Variants in INTS7 observed in about 807,000 individuals in gnomAD.
INTS7 encodes the protein integrator complex subunit 7.
In INTS7, 46 loss-of-function variants were observed where a neutral mutation model predicts 109.2. That is an observed-to-expected ratio of 0.42 (90% CI 0.33 to 0.54). The LOEUF (loss-of-function observed/expected upper bound fraction) is 0.54, where lower values mean the gene tolerates loss of function less well. Among genes scored for constraint, INTS7 ranks in the 20% least tolerant of loss-of-function variants. The probability of loss-of-function intolerance (pLI) is 0.07; values close to 1 mark genes in which losing one functional copy is unlikely to be tolerated. For missense variants in INTS7, 929 were observed against 1,132.4 expected (o/e 0.82, Z 2.58); for synonymous variants, 412 against 402.9 (o/e 1.02, Z -0.27).
chr1:211,969,717 G>A (rs12749452), intron 13 of INTS7, among the ~76,000 whole-genome samples: 10,264 of 138,844 alleles, frequency 0.074, 453 homozygotes, highest in Admixed American at 0.15. Flanking sequence ...CACCATGCCT[G>A]GCTAATTTTT....
intron 16 of INTS7, among the ~76,000 whole-genome samples, chr1:211,953,804 T>G (rs1428321343): frequency 6.6e-6 from 1 of 151,840 alleles, no homozygotes; most frequent in Non-Finnish European, 1.5e-5. Context: ...CTATCGTTGT[T>G]GGACATTTGG....
chr1:212,003,175 A>C (rs1665753141), intron 7 of INTS7, among the ~76,000 whole-genome samples: 1 of 152,148 alleles, frequency 6.6e-6, no homozygotes, highest in African/African-American at 2.4e-5. Context: ...AATTTCCCAG[A>C]ATTGCTGAAA....
At chr1:212,006,511 T>A (rs571255101) in intron 7 of INTS7, 128 bp downstream of exon 7, 3 of 395,100 alleles carry the variant, frequency 7.6e-6, no homozygotes, top group Non-Finnish European at 1.3e-5. Context: ...ACATCAACAA[T>A]GCTTTTAGAA....
chr1:211,949,013 CTTAA>C (rs746363852), intron 17 of INTS7, among the ~76,000 whole-genome samples: 108 of 152,242 alleles, frequency 7.1e-4, no homozygotes, highest in Middle Eastern at 3.2e-3. Flanking sequence ...ACAATGCTCT[CTTAA>C]TTGTCAATCC....
chr1:212,004,452 A>G (rs1210299705), intron 7 of INTS7, among the ~76,000 whole-genome samples: 1 of 152,240 alleles, frequency 6.6e-6, no homozygotes, highest in Admixed American at 6.5e-5. Context: ...TCATGTCAAC[A>G]TATGTAAAAG....
rs770928866 is a variant in INTS7, at chr1:212,006,674, T to C, written c.844A>G (p.Lys282Glu). The C allele has an allele frequency of 2.5e-5, 39 of 1,587,726 alleles. No individual in the cohort carries two copies. Among genetic ancestry groups the C allele is most frequent in the East Asian group, 2.0e-4 (9 of 44,522 alleles). The change falls in exon 7 of 20, where the codon AAA becomes GAA. Residue 282 changes from lysine to glutamate, a missense_variant. By Grantham distance (56) the Lys-to-Glu change is moderately conservative (BLOSUM62 1). Around this residue, in one of 2 missense-constraint regions of INTS7, gnomAD observed 787 missense variants for 901.1 expected, o/e 0.87. Transcript: ENST00000366994. The stretch of plus-strand genomic sequence containing the variant: ...TCCCTACTCCAAGTATGTGGTGTTT[T>C]ATTAGCAAGTAATTTCAGATCTTGA... Reference protein sequence around the residue: ...AIQDLKLLANKTPHTWSRENI... With the variant: ...AIQDLKLLANETPHTWSRENI...
chr1:211,982,349 A>G (rs1306737267), intron 9 of INTS7, among the ~76,000 whole-genome samples: 1 of 152,146 alleles, frequency 6.6e-6, no homozygotes, highest in Non-Finnish European at 1.5e-5. Flanking sequence ...GTATAAGTGA[A>G]CATACCACCT....
chr1:211,946,695 C>A lies in INTS7; in HGVS notation c.2327G>T (p.Cys776Phe). ...YTPVSYMHTACLCNAIIALLK... is the reference protein window; with the variant it reads ...YTPVSYMHTAFLCNAIIALLK... The stretch of plus-strand genomic sequence containing the variant: ...CAAAGCAATGATGGCATTGCAGAGG[C>A]ATGCTGTGTGCTGGGGGAAAAAAGA... The change falls in exon 18 of 20, where the codon TGC becomes TTC. Residue 776 changes from cysteine to phenylalanine, a missense_variant. This residue lies in a region of INTS7 where 787 missense variants were observed against 901.1 expected (regional missense o/e 0.87). Transcript: ENST00000366994. This position sits in a 1 kb window ranked among gnomAD's most constrained non-coding sequence, Gnocchi z 4.3. 1.2e-6 allele frequency: 2 copies of A among 1,610,458 alleles called. 1 individual carries two copies. The highest frequency in any genetic ancestry group is 1.7e-6 in the Non-Finnish European group (2 of 1,177,498).
chr1:211,993,615 G>A (rs1033135227), intron 7 of INTS7, among the ~76,000 whole-genome samples: 3 of 150,948 alleles, frequency 2.0e-5, no homozygotes, highest in African/African-American at 7.3e-5. Context: ...AGGAGGCAGA[G>A]GTTGCAGTGA....
At chr1:211,988,066 C>A in intron 7 of INTS7, 63 bp from the exon 8 acceptor site, 2 of 786,904 alleles carry the variant, frequency 2.5e-6, no homozygotes, top group Non-Finnish European at 4.1e-6. Flanking sequence ...AAACTGTCTA[C>A]TCCATTTACA....
Position 211,967,976 on chromosome 1 carries a change from T to C in INTS7, c.2016A>G (p.Lys672=), listed in dbSNP as rs545888492. 4 of 1,541,728 alleles carry C rather than the reference T, an allele frequency of 2.6e-6. No individual in the cohort carries two copies. In the South Asian group the frequency reaches 3.5e-5, roughly 14 times the overall value. The change falls in exon 15 of 20, where the codon AAA becomes AAG. Residue 672 remains lysine (K), a synonymous_variant. Transcript: ENST00000366994. The part of the protein sequence containing the change: ...QRCGRISNQM[K]QSMEEFRSLA... ...GGCTTCGAAATTCTTCCATGGACTG[T>C]TTCATCTATAAAAAAAAATCAATTA...
chr1:212,021,084 C>G lies in INTS7; in HGVS notation c.223G>C (p.Gly75Arg). The part of the protein sequence containing the change: ...FLKLADVFRV[G>R]NNFLRLCVLK... ...CATCGAGAATTTAAAAAGACTTACC[C>G]AACTCTGAAAACATCAGCTAACTTT... Residue 75 changes from glycine to arginine, a missense_variant and splice_region_variant, in exon 2 of 20, where the codon GGA becomes CGA. Physicochemically the swap from Gly to Arg is moderately radical, Grantham distance 125. Around this residue, in one of 2 missense-constraint regions of INTS7, gnomAD observed 142 missense variants for 231.4 expected, o/e 0.61. Transcript: ENST00000366994. 6.3e-7 allele frequency: 1 copy of G among 1,598,422 alleles called. No homozygotes were observed. Among genetic ancestry groups the G allele is most frequent in the East Asian group, 2.2e-5 (1 of 44,576 alleles).
chr1:212,015,512 A>AAACAGATG (rs1666385808), intron 4 of INTS7, among the ~76,000 whole-genome samples: 1 of 151,880 alleles, frequency 6.6e-6, no homozygotes, highest in South Asian at 2.1e-4. Flanking sequence ...AAGGCAGCAT[A>AAACAGATG]CTCGTTAAGA....
At chr1:211,951,288 GT>G (rs1663073160) in intron 17 of INTS7, among the ~76,000 whole-genome samples, 2 of 152,064 alleles carry the variant, frequency 1.3e-5, no homozygotes, top group Non-Finnish European at 2.9e-5. Flanking sequence ...GATGGGATGA[GT>G]GTTTTTTTTG....
chr1:211,971,915 C>CAAAAAAAAAAAAAAAAA (rs745814699), intron 13 of INTS7, among the ~76,000 whole-genome samples: 16 of 79,788 alleles, frequency 2.0e-4, no homozygotes, highest in African/African-American at 2.4e-4. Flanking sequence ...AACTCAGTCT[C>CAAAAAAAAAAAAAAAAA]AAAAAAAAAA....
At chr1:211,976,558 T>C in intron 12 of INTS7, 24 bp downstream of exon 12, 1 of 1,594,332 alleles carries the variant, frequency 6.3e-7, no homozygotes, top group Non-Finnish European at 8.6e-7. Context: ...AGCAACCCAG[T>C]TCACTCAGAA....
intron 7 of INTS7, among the ~76,000 whole-genome samples, chr1:211,995,834 G>A (rs1665356715): frequency 1.3e-5 from 2 of 152,162 alleles, no homozygotes; most frequent in South Asian, 2.1e-4. Context: ...CACCATGTGA[G>A]GGCCAAAGCA....
At chr1:212,013,708 T>C (rs1666265606) in intron 4 of INTS7, among the ~76,000 whole-genome samples, 1 of 152,242 alleles carries the variant, frequency 6.6e-6, no homozygotes, top group African/African-American at 2.4e-5. Flanking sequence ...ATATTTTTAC[T>C]GAGCCTTTTC....
chr1:211,985,550 T>A (rs1002315610), intron 8 of INTS7, among the ~76,000 whole-genome samples: 1 of 152,198 alleles, frequency 6.6e-6, no homozygotes, highest in African/African-American at 2.4e-5. Flanking sequence ...TTGAAAAGTG[T>A]TTAAGTATTA....
Sources: gnomAD v4.1 joint callset for allele counts (sites outside exome capture counted in the v4.1 genomes callset) on GRCh38, gnomAD v4.1.1 for gene constraint, gnomAD v4.1.1 regional missense constraint, Gnocchi (gnomAD v3.1) non-coding constraint, MANE v1.5 for transcripts, NCBI Gene and HGNC (gene_info 2026-07-23, HGNC 2026-07-21) for gene names.